The following PGM5 variants were observed in gnomAD, a reference collection of about 807,000 sequenced individuals.
PGM5 encodes the protein phosphoglucomutase-like protein 5.
A neutral mutation model predicts 59.2 loss-of-function variants in PGM5; 23 were observed. The observed-to-expected ratio is 0.39, with a 90% confidence interval of 0.28 to 0.55. PGM5 has a LOEUF of 0.55. Ranked by LOEUF, PGM5 falls within the 20% of genes least tolerant of loss-of-function variation. The probability of loss-of-function intolerance (pLI) is 0.66; values close to 1 mark genes in which losing one functional copy is unlikely to be tolerated. For missense variants in PGM5, 574 were observed against 748.3 expected (o/e 0.77, Z 2.72); for synonymous variants, 214 against 286.0 (o/e 0.75, Z 2.54).
chr9:68,514,953 A>G (rs1225355242), intron 10 of PGM5, among the ~76,000 whole-genome samples: 1 of 152,260 alleles, frequency 6.6e-6, no homozygotes, highest in Non-Finnish European at 1.5e-5. Flanking sequence ...CCCTTTCTCA[A>G]TATCAACTCA....
At chr9:68,419,189 G>A (rs890310634) in intron 6 of PGM5, among the ~76,000 whole-genome samples, 1 of 152,144 alleles carries the variant, frequency 6.6e-6, no homozygotes, top group Non-Finnish European at 1.5e-5. Context: ...GTAAGATACA[G>A]GCACCATGAT....
chr9:68,376,829 C>A (rs557798676), intron 1 of PGM5, among the ~76,000 whole-genome samples: 1 of 95,680 alleles, frequency 1.0e-5, no homozygotes, highest in South Asian at 3.0e-4. Flanking sequence ...TTCTTTCTTT[C>A]TTTCTCTTTC....
intron 10 of PGM5, among the ~76,000 whole-genome samples, chr9:68,514,570 A>G (rs1400161061): frequency 1.3e-5 from 2 of 152,110 alleles, no homozygotes; most frequent in African/African-American, 4.8e-5. Context: ...GCACCACTGC[A>G]CTCCAGCTTG....
chr9:68,393,839 G>A (rs2266428), intron 6 of PGM5: 8 of 151,962 alleles, frequency 5.3e-5, no homozygotes, highest in African/African-American at 1.5e-4. Context: ...GATTCATAAT[G>A]GCTAATAACT....
At chr9:68,523,065 C>T (rs889725427) in intron 10 of PGM5, among the ~76,000 whole-genome samples, 4 of 152,166 alleles carry the variant, frequency 2.6e-5, no homozygotes, top group African/African-American at 7.2e-5. Context: ...TTCAAATCCC[C>T]GAGGCAAATA....
chr9:68,381,524 C>G (rs1398614336), intron 2 of PGM5, among the ~76,000 whole-genome samples: 1 of 151,634 alleles, frequency 6.6e-6, no homozygotes, highest in African/African-American at 2.4e-5. Flanking sequence ...CTAGCAAGAG[C>G]AATCAGACAA....
chr9:68,478,589 T>A (rs1476848578), intron 7 of PGM5, among the ~76,000 whole-genome samples: 2 of 152,136 alleles, frequency 1.3e-5, no homozygotes, highest in Non-Finnish European at 2.9e-5. Flanking sequence ...CACCCTTCCT[T>A]GGAAGGCTGT....
chr9:68,473,249 G>C (rs1173180340), intron 7 of PGM5, among the ~76,000 whole-genome samples: 1 of 152,128 alleles, frequency 6.6e-6, no homozygotes, highest in Non-Finnish European at 1.5e-5. Context: ...GGATGAGAAG[G>C]CTGCAAATTA....
chr9:68,522,368 A>G (rs1414281378), intron 10 of PGM5, among the ~76,000 whole-genome samples: 2 of 152,178 alleles, frequency 1.3e-5, no homozygotes, highest in African/African-American at 2.4e-5. Flanking sequence ...ATGGGGAGAA[A>G]TAGAATCAGA....
At chr9:68,506,629 C>A (rs531854392) in intron 10 of PGM5, among the ~76,000 whole-genome samples, 34 of 152,238 alleles carry the variant, frequency 2.2e-4, no homozygotes, top group African/African-American at 7.7e-4. Flanking sequence ...TATTGGATAT[C>A]TTTTCTAGTT....
At chr9:68,473,198 A>G (rs193096216) in intron 7 of PGM5, among the ~76,000 whole-genome samples, 26 of 152,290 alleles carry the variant, frequency 1.7e-4, no homozygotes, top group Non-Finnish European at 3.2e-4. Context: ...TAACTCCACT[A>G]TTTTTCAAAG....
intron 7 of PGM5, among the ~76,000 whole-genome samples, chr9:68,471,776 G>A (rs539015914): frequency 7.9e-5 from 12 of 151,866 alleles, no homozygotes; most frequent in Admixed American, 3.9e-4. Context: ...AAAATTAGCC[G>A]GATGTGGTGG....
intron 1 of PGM5, among the ~76,000 whole-genome samples, chr9:68,372,416 C>T (rs1432168090): frequency 2.6e-5 from 4 of 151,946 alleles, no homozygotes; most frequent in South Asian, 2.1e-4. Flanking sequence ...CTGCATCTTC[C>T]GTGATGGAAG....
intron 6 of PGM5, among the ~76,000 whole-genome samples, chr9:68,400,984 G>C (rs1452523111): frequency 2.0e-5 from 3 of 152,150 alleles, no homozygotes; most frequent in Non-Finnish European, 4.4e-5. Flanking sequence ...TTTATGGTTT[G>C]TGTGTTGACC....
At chr9:68,519,975 A>G (rs1004200937) in intron 10 of PGM5, among the ~76,000 whole-genome samples, 9 of 151,318 alleles carry the variant, frequency 5.9e-5, no homozygotes, top group African/African-American at 1.9e-4. Flanking sequence ...TTGTAGTCCT[A>G]GCTAATTGGG....
intron 6 of PGM5, among the ~76,000 whole-genome samples, chr9:68,436,093 G>A (rs1007490012): frequency 2.6e-5 from 4 of 152,100 alleles, no homozygotes; most frequent in South Asian, 2.1e-4. Flanking sequence ...GAACTAACCC[G>A]GAGACCCACC....
intron 6 of PGM5, among the ~76,000 whole-genome samples, chr9:68,457,926 C>A (rs1823803693): frequency 6.6e-6 from 1 of 152,068 alleles, no homozygotes; most frequent in Non-Finnish European, 1.5e-5. Flanking sequence ...CTCATGGAAG[C>A]CTGAAGGATA....
At chr9:68,500,906 A>G (rs781909675) in intron 10 of PGM5, among the ~76,000 whole-genome samples, 2 of 152,078 alleles carry the variant, frequency 1.3e-5, no homozygotes, top group African/African-American at 2.4e-5. Flanking sequence ...AAGTGTCACA[A>G]CAATCCTATA....
intron 7 of PGM5, among the ~76,000 whole-genome samples, chr9:68,469,067 C>T (rs1031340881): frequency 1.3e-5 from 2 of 152,094 alleles, no homozygotes; most frequent in Non-Finnish European, 2.9e-5. Flanking sequence ...CAGGCGTGTG[C>T]CATCACTCCC....
Sources: allele counts gnomAD v4.1 joint callset (sites outside exome capture counted in the v4.1 genomes callset), GRCh38; gene constraint gnomAD v4.1.1; transcripts MANE v1.5; gene names NCBI Gene and HGNC (gene_info 2026-07-23, HGNC 2026-07-21).